CCDC88A: variants seen among roughly 807,000 people sequenced by gnomAD.
CCDC88A encodes girdin.
A neutral mutation model predicts 234.3 loss-of-function variants in CCDC88A; 54 were observed. The observed-to-expected ratio is 0.23, with a 90% confidence interval of 0.19 to 0.29. The LOEUF (loss-of-function observed/expected upper bound fraction) is 0.29. CCDC88A is among the 10% of genes least tolerant of loss of function. The pLI is 1.00. For missense variants in CCDC88A, 1,832 were observed against 2,123.4 expected (o/e 0.86, Z 2.70); for synonymous variants, 753 against 737.8 (o/e 1.02, Z -0.33).
chr2:55,295,572 G>C, intron 31 of CCDC88A, 25 bp downstream of exon 31: 2 of 1,614,014 alleles, frequency 1.2e-6, no homozygotes, highest in South Asian at 1.1e-5. Flanking sequence ...TATATGAGAG[G>C]ACCACTGGTG....
chr2:55,391,913 A>G (rs191299580), intron 2 of CCDC88A, among the ~76,000 whole-genome samples: 2 of 152,332 alleles, frequency 1.3e-5, no homozygotes, highest in African/African-American at 4.8e-5. Flanking sequence ...GGCATGTGGT[A>G]GTCTGAACTG....
At chr2:55,358,936 A>C (rs1340156083) in intron 7 of CCDC88A, among the ~76,000 whole-genome samples, 3 of 152,266 alleles carry the variant, frequency 2.0e-5, no homozygotes, top group African/African-American at 7.2e-5. Flanking sequence ...CAGGCTCCAC[A>C]TACTTGGAGT....
In CCDC88A at chr2:55,335,136, T is replaced by C. The variant is rs767631531; in HGVS notation, c.1685A>G (p.His562Arg). 1.9e-6 allele frequency: 3 copies of C among 1,550,014 alleles called. No individual in the cohort carries two copies. The South Asian group carries it at 3.8e-5, about 20-fold the overall frequency. Residue 562 changes from histidine to arginine, a missense_variant, in exon 15 of 33, where the codon CAT becomes CGT. Transcript: ENST00000436346. This position sits in a 1 kb window ranked among gnomAD's most constrained non-coding sequence, Gnocchi z 4.5. Reference sequence around the variant, plus strand: ...TAAGGAAGACACTGTTTGATTCAGATGTTCATTTTCCTGTTCCAGTATCTT... The same window carrying C: ...TAAGGAAGACACTGTTTGATTCAGACGTTCATTTTCCTGTTCCAGTATCTT... ...QIKILEQENEHLNQTVSSLRQ... is the reference protein window; with the variant it reads ...QIKILEQENERLNQTVSSLRQ...
chr2:55,378,077 T>C (rs1673997708), intron 3 of CCDC88A, among the ~76,000 whole-genome samples: 1 of 152,230 alleles, frequency 6.6e-6, no homozygotes, highest in African/African-American at 2.4e-5. Flanking sequence ...TGACTTACTA[T>C]GTAACATTCT....
intron 5 of CCDC88A, among the ~76,000 whole-genome samples, chr2:55,367,989 ATTTC>A (rs1293311615): frequency 6.6e-6 from 1 of 152,246 alleles, no homozygotes; most frequent in African/African-American, 2.4e-5. Flanking sequence ...AAAGAGATGA[ATTTC>A]ACATAGTCTT....
chr2:55,365,443 A>G (rs889707065), intron 5 of CCDC88A, among the ~76,000 whole-genome samples: 1 of 152,200 alleles, frequency 6.6e-6, no homozygotes, highest in Non-Finnish European at 1.5e-5. Flanking sequence ...AATTATTATC[A>G]AAGGTAATGA....
intron 5 of CCDC88A, among the ~76,000 whole-genome samples, chr2:55,367,896 G>A (rs886415092): frequency 2.0e-5 from 3 of 152,102 alleles, no homozygotes; most frequent in African/African-American, 7.2e-5. Flanking sequence ...TACCCAACCT[G>A]GCCAAAGTCC....
chr2:55,409,739 T>C (rs12991891), intron 2 of CCDC88A, among the ~76,000 whole-genome samples: 2 of 10,952 alleles, frequency 1.8e-4, no homozygotes, highest in Non-Finnish European at 8.1e-4. Context: ...TATACCTCCC[T>C]TTTTTTTTTT....
intron 2 of CCDC88A, among the ~76,000 whole-genome samples, chr2:55,397,632 G>T (rs1478790894): frequency 6.6e-6 from 1 of 151,796 alleles, no homozygotes; most frequent in East Asian, 1.9e-4. Flanking sequence ...TAATGTAAAT[G>T]CTATCTTTGT....
At chr2:55,301,158 C>T (rs1680853041) in intron 28 of CCDC88A, 48 bp downstream of exon 28, 5 of 1,118,084 alleles carry the variant, frequency 4.5e-6, no homozygotes, top group Admixed American at 3.8e-5. Flanking sequence ...CCTAGCATTC[C>T]CATTCTGTAT....
In CCDC88A at chr2:55,419,264, C is replaced by G. The variant is rs1553444202; in HGVS notation, c.-185G>C. On this transcript the variant is annotated 5_prime_UTR_variant, in exon 1 of 33. Transcript: ENST00000436346. Reference sequence around the variant, plus strand: ...ACCCCAGAGTGAAACGAGCCGAAATCCCAAGAAGTGGCTTCGACGACGGAC... The same window carrying G: ...ACCCCAGAGTGAAACGAGCCGAAATGCCAAGAAGTGGCTTCGACGACGGAC... The G allele has an allele frequency of 3.5e-6, 2 of 572,612 alleles. No individual in the cohort carries two copies. The highest frequency in any genetic ancestry group is 4.3e-5 in the South Asian group (2 of 46,904). 35.5% of individuals were successfully genotyped at this position (572,612 alleles called of 1,614,324 possible).
At chr2:55,314,699 C>T (rs1280553153) in intron 22 of CCDC88A, 2 of 152,288 alleles carry the variant, frequency 1.3e-5, no homozygotes, top group East Asian at 3.8e-4. Context: ...GCCACCGTGC[C>T]TGGTCCAAGA....
At chr2:55,327,215 T>TG (rs1426386743) in intron 17 of CCDC88A, among the ~76,000 whole-genome samples, 5 of 152,026 alleles carry the variant, frequency 3.3e-5, no homozygotes, top group Non-Finnish European at 7.4e-5. Flanking sequence ...CAGCAAATAG[T>TG]GGAAAAAAAC....
intron 31 of CCDC88A, chr2:55,295,193 ACTGTTACTAGGGTT>A (rs1679884559): frequency 1.5e-6 from 2 of 1,314,050 alleles, no homozygotes; most frequent in Non-Finnish European, 2.0e-6. Context: ...ACTGTAGGTT[ACTGTTACTAGGGTT>A]CTGATGATCA....
intron 4 of CCDC88A, 132 bp from the exon 5 acceptor site, chr2:55,372,642 A>G: frequency 2.0e-6 from 1 of 498,408 alleles, no homozygotes; most frequent in Non-Finnish European, 3.7e-6. Flanking sequence ...TATGTAGTGG[A>G]GCATTCAAAA....
chr2:55,324,996 T>C (rs1434479182), intron 17 of CCDC88A, among the ~76,000 whole-genome samples: 1 of 152,238 alleles, frequency 6.6e-6, no homozygotes, highest in Non-Finnish European at 1.5e-5. Flanking sequence ...AAATTAGTTA[T>C]AACACCTTAT....
At chr2:55,369,999 AATTAGGTCACTAAC>A (rs1227339696) in intron 5 of CCDC88A, among the ~76,000 whole-genome samples, 2 of 152,174 alleles carry the variant, frequency 1.3e-5, no homozygotes, top group African/African-American at 4.8e-5. Flanking sequence ...AAAAGAAAAA[AATTAGGTCACTAAC>A]ATTTTTGAAA....
intron 16 of CCDC88A, chr2:55,329,575 C>T (rs777301164): frequency 1.3e-5 from 2 of 151,878 alleles, no homozygotes; most frequent in Non-Finnish European, 2.9e-5. Flanking sequence ...TAGAAACATA[C>T]AGTAAACAGA....
chr2:55,412,224 A>G (rs1680622918), intron 2 of CCDC88A, among the ~76,000 whole-genome samples: 1 of 152,234 alleles, frequency 6.6e-6, no homozygotes, highest in Non-Finnish European at 1.5e-5. Context: ...GCCCCTAAAC[A>G]GTAATACTGC....
Sources: gnomAD v4.1 joint callset for allele counts (sites outside exome capture counted in the v4.1 genomes callset) on GRCh38, gnomAD v4.1.1 for gene constraint, Gnocchi (gnomAD v3.1) non-coding constraint, MANE v1.5 for transcripts, NCBI Gene and HGNC (gene_info 2026-07-23, HGNC 2026-07-21) for gene names.